ZEB2: variants seen among roughly 807,000 people sequenced by gnomAD.
The protein encoded by ZEB2 is zinc finger E-box-binding homeobox 2.
Under a neutral mutation model 99.9 loss-of-function variants are expected in ZEB2, and 6 were observed. The observed-to-expected ratio is 0.06, with a 90% CI of 0.03 to 0.12. ZEB2 has a LOEUF of 0.12. ZEB2 is among the 10% of genes least tolerant of loss of function. The pLI, the probability that ZEB2 is intolerant of heterozygous loss-of-function variation, is 1.00. For missense variants in ZEB2, 969 were observed against 1,502.8 expected (o/e 0.64, Z 5.87); for synonymous variants, 517 against 542.5 (o/e 0.95, Z 0.65).
chr2:144,456,295 A>T (rs1704121165), intron 2 of ZEB2, among the ~76,000 whole-genome samples: 1 of 152,216 alleles, frequency 6.6e-6, no homozygotes, highest in South Asian at 2.1e-4. Context: ...AGAGAAAGGA[A>T]AACAACCATT....
chr2:144,463,551 G>A lies in ZEB2; in HGVS notation c.74-33525C>T, dbSNP rs1704225588. ...ACCATCTTTATTGAAAACATGGGCT[G>A]GGTGCAGTGGCTCACACTTGTAATC... On this transcript the variant is annotated intron_variant, in intron 2 of 9. Transcript: ENST00000627532. 3 of 152,198 alleles carry A rather than the reference G, an allele frequency of 2.0e-5. No homozygotes were observed. In the South Asian group the frequency reaches 6.2e-4, roughly 32 times the overall value. The allele number at this position is 152,198 out of a possible 1,614,324, so 9.4% of individuals were successfully genotyped here.
At chr2:144,391,465 G>A (rs1454484889) in intron 9 of ZEB2, among the ~76,000 whole-genome samples, 2 of 152,218 alleles carry the variant, frequency 1.3e-5, no homozygotes, top group Non-Finnish European at 2.9e-5. Flanking sequence ...CTCATACTCT[G>A]AAGAAAGCAA....
intron 2 of ZEB2, among the ~76,000 whole-genome samples, chr2:144,490,051 T>G (rs1247096269): frequency 1.3e-5 from 2 of 152,176 alleles, no homozygotes; most frequent in Non-Finnish European, 1.5e-5. Context: ...ATTACTAAAA[T>G]TACCCTGCCT....
At chr2:144,459,463 C>A (rs1299929051) in intron 2 of ZEB2, among the ~76,000 whole-genome samples, 1 of 152,154 alleles carries the variant, frequency 6.6e-6, no homozygotes, top group African/African-American at 2.4e-5. Context: ...AATTTACCTT[C>A]TCACTTGCAG....
chr2:144,465,328 T>C (rs145253229), intron 2 of ZEB2, among the ~76,000 whole-genome samples: 9 of 152,338 alleles, frequency 5.9e-5, no homozygotes, highest in Non-Finnish European at 1.3e-4. Flanking sequence ...GTAACTGGTC[T>C]GTTTTGAATG....
chr2:144,465,715 T>C (rs1247578815), intron 2 of ZEB2, among the ~76,000 whole-genome samples: 1 of 152,152 alleles, frequency 6.6e-6, no homozygotes, highest in Non-Finnish European at 1.5e-5. Context: ...AAGGCCAAAA[T>C]GGCAGCTTAC....
At position 144,399,820 on chromosome 2, in the gene ZEB2, T is replaced by C. The variant is rs1447536167; in HGVS notation, c.1367A>G (p.Asn456Ser). ...TAGAACCTTTTGTACCTCACTTAAA[T>C]TACTATTCATGGTGGGAAACCCAAG... ...PLLGFPTMNS[N>S]LSEVQKVLQI... Residue 456 changes from asparagine (N) to serine (S), a missense_variant, in exon 8 of 10, where the codon AAT becomes AGT. Around this residue, in one of 8 missense-constraint regions of ZEB2, gnomAD observed 227 missense variants for 278.2 expected, o/e 0.82. Coordinates refer to ENST00000627532, the MANE Select transcript of ZEB2 (RefSeq NM_014795.4). The surrounding 1 kb of genome is among the most constrained non-coding windows in gnomAD (Gnocchi z 5.6). The C allele has an allele frequency of 6.2e-7, 1 of 1,614,198 alleles. No individual in the cohort carries two copies. Among genetic ancestry groups the C allele is most frequent in the East Asian group, 2.2e-5 (1 of 44,878 alleles).
chr2:144,514,818 G>C (rs1373025572), intron 2 of ZEB2, among the ~76,000 whole-genome samples: 1 of 152,258 alleles, frequency 6.6e-6, no homozygotes, highest in Non-Finnish European at 1.5e-5. Flanking sequence ...TGCAGGATCT[G>C]GGCTAAATGC....
chr2:144,501,993 A>G (rs568293912), intron 2 of ZEB2, among the ~76,000 whole-genome samples: 1 of 152,306 alleles, frequency 6.6e-6, no homozygotes, highest in African/African-American at 2.4e-5. Context: ...TGGCTGTGGG[A>G]ATTATTTGGC....
intron 4 of ZEB2, 54 bp from the exon 5 acceptor site, chr2:144,405,078 C>A: frequency 6.4e-7 from 1 of 1,561,930 alleles, no homozygotes. Flanking sequence ...TCCTAGGATC[C>A]CAAGTCCATC....
intron 2 of ZEB2, chr2:144,511,476 A>C: frequency 7.8e-7 from 1 of 1,274,438 alleles, no homozygotes; most frequent in East Asian, 5.6e-5. Context: ...ACACAAGATA[A>C]AAGTATTTGG....
chr2:144,512,564 T>G (rs765695212), intron 2 of ZEB2: 116 of 1,287,118 alleles, frequency 9.0e-5, no homozygotes, highest in Non-Finnish European at 1.2e-4. Context: ...TTTTACCCTA[T>G]TTGAAAACAA....
intron 2 of ZEB2, among the ~76,000 whole-genome samples, chr2:144,464,959 C>T (rs184809421): frequency 9.1e-4 from 139 of 152,258 alleles, no homozygotes; most frequent in African/African-American, 3.2e-3. Flanking sequence ...GAAGCACTTT[C>T]CAAGAGTAAA....
chr2:144,402,372 T>C (rs1703324351), intron 6 of ZEB2, among the ~76,000 whole-genome samples: 1 of 152,044 alleles, frequency 6.6e-6, no homozygotes, highest in South Asian at 2.1e-4. Context: ...TGGTGTTACA[T>C]GGGACACAGG....
rs113988526 is a variant in ZEB2 at position 144,478,960 on chromosome 2, A to G, written c.73+38318T>C. ...AAGAACCCAAAGGCAACTTTGCTAC[A>G]GTAACGTATAAAAATGTTTATCATT... On this transcript the variant is annotated intron_variant, in intron 2 of 9. Transcript: ENST00000627532. Among the ~76,000 whole-genome samples, 412 of 152,342 alleles carry G rather than the reference A, an allele frequency of 2.7e-3. 3 individuals carry two copies. The highest frequency in any genetic ancestry group is 9.6e-3 in the African/African-American group (398 of 41,562).
chr2:144,459,877 T>C (rs1309491231), intron 2 of ZEB2, among the ~76,000 whole-genome samples: 1 of 152,168 alleles, frequency 6.6e-6, no homozygotes, highest in Non-Finnish European at 1.5e-5. Context: ...GGCTTCATTC[T>C]CTCATAGAGG....
rs577503752 is a variant in ZEB2, at chr2:144,483,241, C to T, written c.73+34037G>A. 4.6e-5 allele frequency among the ~76,000 whole-genome samples: 7 copies of T among 151,848 alleles called. No homozygotes were observed. The South Asian group carries it at 1.0e-3, about 23-fold the overall frequency. On this transcript the variant is annotated intron_variant, in intron 2 of 9. Coordinates refer to ENST00000627532, the MANE Select transcript of ZEB2 (RefSeq NM_014795.4). ...AGCCAAAAGCTGTAGATTTGAATCC[C>T]GGCTCTTTTTCACATTAAGCAAGTA...
intron 2 of ZEB2, among the ~76,000 whole-genome samples, chr2:144,491,147 G>A (rs901598429): frequency 3.3e-5 from 5 of 152,246 alleles, no homozygotes; most frequent in Admixed American, 6.5e-5. Flanking sequence ...GGAAATGATG[G>A]AGTCTCTGAA....
intron 2 of ZEB2, chr2:144,512,941 A>G (rs1197552191): frequency 7.8e-7 from 1 of 1,287,140 alleles, no homozygotes; most frequent in South Asian, 1.2e-5. Context: ...GCTCCCTAGA[A>G]GCTCATCAAC....
Sources: allele counts gnomAD v4.1 joint callset (sites outside exome capture counted in the v4.1 genomes callset), GRCh38; gene constraint gnomAD v4.1.1; regional missense constraint gnomAD v4.1.1; non-coding constraint Gnocchi (gnomAD v3.1); transcripts MANE v1.5; gene names NCBI Gene and HGNC (gene_info 2026-07-23, HGNC 2026-07-21).